PTPRT: variants seen among roughly 807,000 people sequenced by gnomAD.
PTPRT encodes the protein protein tyrosine phosphatase receptor type T, also known as receptor-type tyrosine-protein phosphatase T.
Under a neutral mutation model 176.8 loss-of-function variants are expected in PTPRT, and 56 were observed. The observed-to-expected ratio is 0.32, with a 90% CI of 0.26 to 0.40. The LOEUF is 0.40. PTPRT is among the 10% of genes least tolerant of loss of function. PTPRT has a pLI of 1.00. For synonymous variants in PTPRT, 783 were observed against 739.0 expected, an observed-to-expected ratio of 1.06 and a Z score of -0.96; for missense variants, 1,540 against 1,908.2, an observed-to-expected ratio of 0.81 and a Z score of 3.60.
At chr20:42,420,181 T>C in intron 9 of PTPRT, among the ~76,000 whole-genome samples, 1 of 152,178 alleles carries the variant, frequency 6.6e-6, no homozygotes, top group East Asian at 1.9e-4. Context: ...CTGTCATCAG[T>C]TATGACAGGT....
intron 7 of PTPRT, among the ~76,000 whole-genome samples, chr20:42,497,255 C>G (rs894130662): frequency 6.6e-6 from 1 of 152,150 alleles, no homozygotes; most frequent in South Asian, 2.1e-4. Context: ...TGTCTTAAAT[C>G]CTGGTGCTCA....
At chr20:42,249,799 A>G (rs2056519194) in intron 13 of PTPRT, among the ~76,000 whole-genome samples, 2 of 152,248 alleles carry the variant, frequency 1.3e-5, no homozygotes, top group Admixed American at 1.3e-4. Context: ...AAGAATGCCA[A>G]GAACCAGTAT....
At chr20:42,534,290 G>A (rs1300142126) in intron 7 of PTPRT, among the ~76,000 whole-genome samples, 1 of 152,192 alleles carries the variant, frequency 6.6e-6, no homozygotes, top group Non-Finnish European at 1.5e-5. Flanking sequence ...CCAGCAGACA[G>A]TGTGTGTGGA....
intron 7 of PTPRT, among the ~76,000 whole-genome samples, chr20:42,503,558 C>T (rs2071792897): frequency 6.6e-6 from 1 of 151,972 alleles, no homozygotes; most frequent in Admixed American, 6.6e-5. Flanking sequence ...GATGCTGACT[C>T]AAAATTTTTG....
chr20:42,691,177 T>C (rs1302593729), intron 6 of PTPRT, among the ~76,000 whole-genome samples: 1 of 152,196 alleles, frequency 6.6e-6, no homozygotes, highest in East Asian at 1.9e-4. Context: ...CAACTCACTT[T>C]CAGAAAGCAC....
chr20:42,806,715 T>G (rs1199728727), intron 2 of PTPRT, among the ~76,000 whole-genome samples: 2 of 152,288 alleles, frequency 1.3e-5, no homozygotes, highest in Non-Finnish European at 2.9e-5. Context: ...TGGATGAGGC[T>G]GTGTTCCAAC....
chr20:42,976,882 C>T (rs985628471), intron 1 of PTPRT, among the ~76,000 whole-genome samples: 11 of 152,162 alleles, frequency 7.2e-5, no homozygotes, highest in African/African-American at 2.7e-4. Flanking sequence ...TTTGCCACCT[C>T]TGGGAACTGC....
chr20:42,285,797 T>A (rs1411122184), intron 12 of PTPRT, among the ~76,000 whole-genome samples: 2 of 127,232 alleles, frequency 1.6e-5, no homozygotes, highest in Admixed American at 7.8e-5. Context: ...CCAAAAACTT[T>A]ACCAAAAAAA....
chr20:42,426,900 T>C (rs2059169610), intron 9 of PTPRT, among the ~76,000 whole-genome samples: 1 of 152,132 alleles, frequency 6.6e-6, no homozygotes. Flanking sequence ...AGGTGATGGA[T>C]GCAGGAGTCC....
At chr20:42,179,867 T>C (rs1990442492) in intron 16 of PTPRT, among the ~76,000 whole-genome samples, 1 of 152,098 alleles carries the variant, frequency 6.6e-6, no homozygotes, top group Non-Finnish European at 1.5e-5. Context: ...AAGAAAGGCA[T>C]GGAATAGCCA....
At chr20:42,818,147 A>T (rs1398047806) in intron 2 of PTPRT, among the ~76,000 whole-genome samples, 7 of 152,146 alleles carry the variant, frequency 4.6e-5, no homozygotes, top group African/African-American at 1.7e-4. Flanking sequence ...TCGAGGTCAG[A>T]GGCCCCAGAA....
chr20:42,212,151 G>A (rs1236219577), intron 15 of PTPRT, among the ~76,000 whole-genome samples: 1 of 100,688 alleles, frequency 9.9e-6, no homozygotes, highest in Non-Finnish European at 1.9e-5. Flanking sequence ...CTGTTGTGGG[G>A]TGGGGGGAGG....
At chr20:42,762,256 A>G (rs1600709972) in intron 5 of PTPRT, among the ~76,000 whole-genome samples, 1 of 152,328 alleles carries the variant, frequency 6.6e-6, no homozygotes, top group Admixed American at 6.5e-5. Flanking sequence ...AGACTAGAAC[A>G]GTAGTTCCTA....
chr20:42,384,958 T>C (rs957107352), intron 9 of PTPRT, among the ~76,000 whole-genome samples: 1 of 152,234 alleles, frequency 6.6e-6, no homozygotes, highest in Non-Finnish European at 1.5e-5. Context: ...TATTGACTTA[T>C]ATGAGTTCCT....
At position 43,189,660 on chromosome 20, in the gene PTPRT, GC is replaced by G; in HGVS notation, c.73del (p.Ala25LeufsTer23). 7.6e-7 allele frequency: 1 copy of G among 1,312,286 alleles called. No homozygotes were observed. The highest frequency in any genetic ancestry group is 9.7e-7 in the Non-Finnish European group (1 of 1,032,136). 81.3% of individuals were successfully genotyped at this position (1,312,286 alleles called of 1,614,324 possible). The stretch of plus-strand genomic sequence containing the variant: ...GGCGCACTCACCTGCGGCGCTCTGA[GC>G]CCGGGCGCCGGGCAGTGGCGGCAGC... The part of the protein sequence containing the change: ...LQLPPLPGAR[A>X]QSAAGGCSFD... On this transcript the variant is annotated frameshift_variant, in exon 1 of 31. Transcript: ENST00000373187. LOFTEE classifies it high-confidence loss of function. The surrounding 1 kb of genome is among the most constrained non-coding windows in gnomAD (Gnocchi z 5.0).
At chr20:42,835,768 T>G (rs2078170991) in intron 2 of PTPRT, among the ~76,000 whole-genome samples, 1 of 152,170 alleles carries the variant, frequency 6.6e-6, no homozygotes, top group African/African-American at 2.4e-5. Context: ...TTCCTCAATT[T>G]TCTATCTTAA....
At chr20:42,847,045 C>T (rs1403278766) in intron 2 of PTPRT, among the ~76,000 whole-genome samples, 4 of 152,174 alleles carry the variant, frequency 2.6e-5, no homozygotes, top group Non-Finnish European at 2.9e-5. Flanking sequence ...CCTTGTCCTC[C>T]AGTTTTTATG....
intron 7 of PTPRT, among the ~76,000 whole-genome samples, chr20:42,483,659 C>A (rs1236021818): frequency 2.0e-5 from 3 of 152,202 alleles, no homozygotes; most frequent in Non-Finnish European, 4.4e-5. Context: ...AGAGGGGGAA[C>A]CCAGAGTCAA....
chr20:42,199,541 G>T (rs747658532), intron 15 of PTPRT, 153 bp from the exon 16 acceptor site: 59 of 856,306 alleles, frequency 6.9e-5, no homozygotes, highest in Non-Finnish European at 8.9e-5. Flanking sequence ...AACCATGAAT[G>T]GTTTCCATTT....
Sources: allele counts gnomAD v4.1 joint callset (sites outside exome capture counted in the v4.1 genomes callset), GRCh38; gene constraint gnomAD v4.1.1; non-coding constraint Gnocchi (gnomAD v3.1); transcripts MANE v1.5; gene names NCBI Gene and HGNC (gene_info 2026-07-23, HGNC 2026-07-21).